The following SLC10A7 variants were observed in gnomAD, a reference collection of about 807,000 sequenced individuals.
The protein encoded by SLC10A7 is solute carrier family 10 member 7.
In SLC10A7, 29 loss-of-function variants were observed where a neutral mutation model predicts 43.2. The ratio of observed to expected loss-of-function variants is 0.67; its 90% confidence interval spans 0.50 to 0.92. SLC10A7 has a LOEUF of 0.92. Ranked by LOEUF, SLC10A7 falls within the 40% of genes least tolerant of loss-of-function variation. The pLI is 0.00. For missense variants in SLC10A7, 295 were observed against 403.2 expected (o/e 0.73, Z 2.30); for synonymous variants, 152 against 144.8 (o/e 1.05, Z -0.35).
chr4:146,312,217 T>C (rs1297970460), intron 6 of SLC10A7, among the ~76,000 whole-genome samples: 2 of 152,170 alleles, frequency 1.3e-5, no homozygotes, highest in South Asian at 4.1e-4. Context: ...ATTTTATCAA[T>C]ATAAAAACAT....
chr4:146,467,390 C>A (rs1244012254), intron 4 of SLC10A7, among the ~76,000 whole-genome samples: 1 of 150,450 alleles, frequency 6.6e-6, no homozygotes, highest in African/African-American at 2.4e-5. Context: ...TTACTTTTTC[C>A]TTTGAGAAAG....
intron 5 of SLC10A7, among the ~76,000 whole-genome samples, chr4:146,425,543 G>T (rs538402858): frequency 6.6e-6 from 1 of 152,076 alleles, no homozygotes; most frequent in Non-Finnish European, 1.5e-5. Flanking sequence ...ATTGGTCAGC[G>T]CAACTATAGA....
At chr4:146,370,591 A>G (rs1736701854) in intron 5 of SLC10A7, among the ~76,000 whole-genome samples, 1 of 152,176 alleles carries the variant, frequency 6.6e-6, no homozygotes. Context: ...GCTAAACTTC[A>G]GGGCACAAAG....
chr4:146,368,010 A>T (rs1736514333), intron 5 of SLC10A7, among the ~76,000 whole-genome samples: 1 of 152,178 alleles, frequency 6.6e-6, no homozygotes, highest in African/African-American at 2.4e-5. Context: ...CAGTCCTAAA[A>T]ACTTTCCTTA....
intron 5 of SLC10A7, among the ~76,000 whole-genome samples, chr4:146,393,082 G>A (rs1304581031): frequency 6.6e-6 from 1 of 151,324 alleles, no homozygotes; most frequent in Admixed American, 6.6e-5. Context: ...ATTGCAGGGT[G>A]GTGGGTGGCT....
At chr4:146,346,967 T>C (rs1734666034) in intron 5 of SLC10A7, among the ~76,000 whole-genome samples, 1 of 152,134 alleles carries the variant, frequency 6.6e-6, no homozygotes, top group African/African-American at 2.4e-5. Flanking sequence ...TAAAAGATCT[T>C]ACGGTCTAGT....
At chr4:146,366,663 C>T (rs1184590585) in intron 5 of SLC10A7, among the ~76,000 whole-genome samples, 1 of 152,152 alleles carries the variant, frequency 6.6e-6, no homozygotes, top group Non-Finnish European at 1.5e-5. Flanking sequence ...GATGGCTGCT[C>T]ACTGATGAAA....
intron 11 of SLC10A7, chr4:146,256,928 G>A: frequency 6.5e-7 from 1 of 1,535,358 alleles, no homozygotes; most frequent in Non-Finnish European, 8.7e-7. Context: ...CCCTGGTTTG[G>A]AGTAGTTTCT....
intron 6 of SLC10A7, among the ~76,000 whole-genome samples, chr4:146,310,378 T>G (rs1445341022): frequency 6.6e-6 from 1 of 152,136 alleles, no homozygotes; most frequent in Non-Finnish European, 1.5e-5. Flanking sequence ...TTCTAAGTTC[T>G]TTGAGAAATC....
intron 5 of SLC10A7, among the ~76,000 whole-genome samples, chr4:146,389,978 T>C (rs537738006): frequency 6.6e-6 from 1 of 152,312 alleles, no homozygotes; most frequent in Non-Finnish European, 1.5e-5. Flanking sequence ...ATGCAACCTA[T>C]GGAATCTCAA....
At chr4:146,359,147 A>G (rs1735868120) in intron 5 of SLC10A7, among the ~76,000 whole-genome samples, 1 of 152,094 alleles carries the variant, frequency 6.6e-6, no homozygotes, top group Non-Finnish European at 1.5e-5. Context: ...AGCCCCTTTT[A>G]ATATGCTTAT....
At chr4:146,406,858 C>T (rs1727742912) in intron 5 of SLC10A7, among the ~76,000 whole-genome samples, 1 of 152,140 alleles carries the variant, frequency 6.6e-6, no homozygotes, top group Non-Finnish European at 1.5e-5. Context: ...TGGTGGGTGC[C>T]TGTAATCCCA....
intron 3 of SLC10A7, among the ~76,000 whole-genome samples, chr4:146,506,360 G>A (rs1294029307): frequency 6.6e-6 from 1 of 152,158 alleles, no homozygotes; most frequent in Non-Finnish European, 1.5e-5. Flanking sequence ...CATTATTCCT[G>A]CCTTCAAGGA....
chr4:146,391,694 T>C (rs1342771947), intron 5 of SLC10A7, among the ~76,000 whole-genome samples: 3 of 152,122 alleles, frequency 2.0e-5, no homozygotes, highest in Non-Finnish European at 2.9e-5. Flanking sequence ...TAATCAGTAA[T>C]TGTCATTAAA....
intron 5 of SLC10A7, among the ~76,000 whole-genome samples, chr4:146,387,192 T>C (rs1018883972): frequency 2.0e-5 from 3 of 152,194 alleles, no homozygotes; most frequent in Admixed American, 6.5e-5. Flanking sequence ...AGAATAACCC[T>C]GATTAACATA....
intron 5 of SLC10A7, chr4:146,441,706 T>C (rs1193166765): frequency 1.0e-6 from 1 of 985,202 alleles, no homozygotes; most frequent in Non-Finnish European, 1.2e-6. Context: ...CCAGAAGTAA[T>C]ACAGCATCAC....
At chr4:146,397,171 T>G (rs1426401683) in intron 5 of SLC10A7, among the ~76,000 whole-genome samples, 2 of 152,164 alleles carry the variant, frequency 1.3e-5, no homozygotes, top group African/African-American at 4.8e-5. Flanking sequence ...TTTATGATAT[T>G]TACGATTTTA....
intron 5 of SLC10A7, among the ~76,000 whole-genome samples, chr4:146,377,491 G>T (rs1387388406): frequency 6.6e-6 from 1 of 152,154 alleles, no homozygotes; most frequent in Admixed American, 6.5e-5. Flanking sequence ...TCACCTGCAT[G>T]CTCCTCCTCC....
chr4:146,330,220 A>T (rs1204250929), intron 5 of SLC10A7, among the ~76,000 whole-genome samples: 1 of 152,212 alleles, frequency 6.6e-6, no homozygotes, highest in Non-Finnish European at 1.5e-5. Flanking sequence ...AAATACAAAC[A>T]AAAAGCCCCA....
Sources: allele counts gnomAD v4.1 joint callset (sites outside exome capture counted in the v4.1 genomes callset), GRCh38; gene constraint gnomAD v4.1.1; transcripts MANE v1.5; gene names NCBI Gene and HGNC (gene_info 2026-07-23, HGNC 2026-07-21).